CPA6: variants seen among roughly 807,000 people sequenced by gnomAD.
CPA6 encodes the protein carboxypeptidase A6.
In CPA6, 58 loss-of-function variants were observed where a neutral mutation model predicts 63.3. The ratio of observed to expected loss-of-function variants is 0.92; its 90% CI spans 0.74 to 1.14. The LOEUF (loss-of-function observed/expected upper bound fraction) is 1.14, where lower values mean the gene tolerates loss of function less well. Among genes scored for constraint, CPA6 ranks in the 50% most tolerant of loss-of-function variants. The pLI is 0.00. For missense variants in CPA6, 565 were observed against 526.6 expected (o/e 1.07, Z -0.71); for synonymous variants, 185 against 179.0 (o/e 1.03, Z -0.27).
At chr8:67,599,258 T>C (rs1344012622) in intron 2 of CPA6, among the ~76,000 whole-genome samples, 3 of 152,246 alleles carry the variant, frequency 2.0e-5, no homozygotes, top group Non-Finnish European at 4.4e-5. Context: ...TATATCTTTC[T>C]GTAAACTTGA....
intron 1 of CPA6, among the ~76,000 whole-genome samples, chr8:67,661,156 C>G (rs945069947): frequency 3.9e-5 from 6 of 152,118 alleles, no homozygotes; most frequent in African/African-American, 1.4e-4. Context: ...AGGTGAAGGT[C>G]TTCTAATTTT....
chr8:67,615,200 A>T (rs778941643), intron 2 of CPA6, among the ~76,000 whole-genome samples: 1 of 152,196 alleles, frequency 6.6e-6, no homozygotes, highest in Non-Finnish European at 1.5e-5. Flanking sequence ...TACAGCTAGA[A>T]AAATGAAATG....
chr8:67,543,747 AAAC>A (rs1205558590), intron 2 of CPA6, among the ~76,000 whole-genome samples: 2 of 151,220 alleles, frequency 1.3e-5, no homozygotes, highest in African/African-American at 2.4e-5. Context: ...TATACTCATC[AAAC>A]AACAATTCCC....
chr8:67,720,054 C>T (rs756493156), intron 1 of CPA6, among the ~76,000 whole-genome samples: 50 of 151,532 alleles, frequency 3.3e-4, no homozygotes, highest in Non-Finnish European at 6.3e-4. Context: ...GGGCTGAGTC[C>T]GAAAAGAGAG....
chr8:67,746,059 A>G lies in CPA6; in HGVS notation c.71T>C (p.Ile24Thr), dbSNP rs746478158. Reference protein sequence around the residue: ...FLPLCWLFLKILQPGHSHLYN... With the variant: ...FLPLCWLFLKTLQPGHSHLYN... ...AAGGTGGCTGTGCCCCGGTTGCAGAATCTTCAAAAAGAGCCAGCAAAGAGG... is the reference window on the plus strand; with the variant it reads ...AAGGTGGCTGTGCCCCGGTTGCAGAGTCTTCAAAAAGAGCCAGCAAAGAGG... The change falls in exon 1 of 11, where the codon ATT (isoleucine) becomes ACT (threonine). Residue 24 changes from isoleucine (I) to threonine (T), a missense_variant. By Grantham distance (89) the Ile-to-Thr change is moderately conservative. Transcript: ENST00000297770. 5.6e-6 allele frequency: 9 copies of G among 1,613,860 alleles called. No homozygotes were observed. The highest frequency in any genetic ancestry group is 2.2e-5 in the East Asian group (1 of 44,876).
In CPA6 at chr8:67,484,802, G is replaced by T; in HGVS notation, c.637-13C>A. On this transcript the variant is annotated splice_polypyrimidine_tract_variant and intron_variant, in intron 6 of 10. Coordinates refer to ENST00000297770, the MANE Select transcript of CPA6 (RefSeq NM_020361.5). Reference sequence around the variant, plus strand: ...ATGTTAGAAGAGCCTAAAAGACAAAGGTGAGATTTTTCTTTTAAATTGGTC... The same window carrying T: ...ATGTTAGAAGAGCCTAAAAGACAAATGTGAGATTTTTCTTTTAAATTGGTC... The T allele has an allele frequency of 1.4e-6, 2 of 1,469,438 alleles. No individual in the cohort carries two copies. Among genetic ancestry groups the T allele is most frequent in the South Asian group, 1.2e-5 (1 of 84,382 alleles). 91.0% of individuals were successfully genotyped at this position (1,469,438 alleles called of 1,614,324 possible).
intron 1 of CPA6, among the ~76,000 whole-genome samples, chr8:67,717,301 G>A (rs1456339662): frequency 7.9e-5 from 12 of 152,206 alleles, no homozygotes; most frequent in Admixed American, 7.9e-4. Flanking sequence ...AGGGAAGGAA[G>A]AGAGAGCTGG....
intron 2 of CPA6, among the ~76,000 whole-genome samples, chr8:67,553,005 A>G (rs1812984646): frequency 6.6e-6 from 1 of 152,132 alleles, no homozygotes; most frequent in African/African-American, 2.4e-5. Context: ...TGTCACACTC[A>G]TGACATCCCC....
chr8:67,488,467 A>G (rs1461051223), intron 6 of CPA6, among the ~76,000 whole-genome samples: 1 of 152,158 alleles, frequency 6.6e-6, no homozygotes. Context: ...CTTGTAGTAC[A>G]GTTTGAAGTC....
chr8:67,579,298 A>T (rs1203555777), intron 2 of CPA6, among the ~76,000 whole-genome samples: 5 of 152,176 alleles, frequency 3.3e-5, no homozygotes, highest in Admixed American at 3.3e-4. Context: ...CTGTAATCCC[A>T]GCTGCTTGGG....
rs75657927 is a variant in CPA6, at chr8:67,693,270, G to A, written c.116+52744C>T. ...GAGCTATTACTAGGGTTCTCCTCATGTAAATGTCTTTGGAAAGGCAAACGA... is the reference window on the plus strand; with the variant it reads ...GAGCTATTACTAGGGTTCTCCTCATATAAATGTCTTTGGAAAGGCAAACGA... On this transcript the variant is annotated intron_variant, in intron 1 of 10. Coordinates refer to ENST00000297770, the MANE Select transcript of CPA6 (RefSeq NM_020361.5). 6.4e-3 allele frequency among the ~76,000 whole-genome samples: 975 copies of A among 152,296 alleles called. 11 individuals carry two copies. Among genetic ancestry groups the A allele is most frequent in the African/African-American group, 0.021 (868 of 41,566 alleles).
At chr8:67,658,920 C>G (rs1350024388) in intron 1 of CPA6, among the ~76,000 whole-genome samples, 1 of 152,176 alleles carries the variant, frequency 6.6e-6, no homozygotes, top group Non-Finnish European at 1.5e-5. Flanking sequence ...CTGGACTACA[C>G]AGCAGCTTCC....
At chr8:67,447,039 TATATATATAC>T (rs1810436986) in intron 8 of CPA6, among the ~76,000 whole-genome samples, 2 of 124,128 alleles carry the variant, frequency 1.6e-5, no homozygotes, top group Admixed American at 7.5e-5. Flanking sequence ...TATACACACA[TATATATATAC>T]ACACACATAT....
At chr8:67,435,234 A>G (rs1810123251) in intron 8 of CPA6, among the ~76,000 whole-genome samples, 1 of 151,994 alleles carries the variant, frequency 6.6e-6, no homozygotes, top group African/African-American at 2.4e-5. Flanking sequence ...GAATGGGGAG[A>G]AGTGGAGGGA....
At chr8:67,656,092 TG>T (rs1454288552) in intron 1 of CPA6, among the ~76,000 whole-genome samples, 1 of 152,072 alleles carries the variant, frequency 6.6e-6, no homozygotes, top group Non-Finnish European at 1.5e-5. Context: ...TTGGAGAAGT[TG>T]GGGTTTTTCT....
intron 8 of CPA6, among the ~76,000 whole-genome samples, chr8:67,446,209 T>A (rs1336631683): frequency 6.9e-6 from 1 of 144,064 alleles, no homozygotes; most frequent in Non-Finnish European, 1.5e-5. Context: ...GAGCTTGCAG[T>A]GAGTGGAGAT....
intron 3 of CPA6, among the ~76,000 whole-genome samples, chr8:67,515,037 T>G (rs1812114078): frequency 6.6e-6 from 1 of 152,186 alleles, no homozygotes; most frequent in Non-Finnish European, 1.5e-5. Flanking sequence ...TGGCAACCCT[T>G]GGCTCAGCCC....
chr8:67,612,173 G>A (rs1474937764), intron 2 of CPA6, among the ~76,000 whole-genome samples: 1 of 152,160 alleles, frequency 6.6e-6, no homozygotes, highest in Non-Finnish European at 1.5e-5. Flanking sequence ...AAGTTTTAGG[G>A]CAGAGAGGGA....
intron 1 of CPA6, among the ~76,000 whole-genome samples, chr8:67,678,224 G>GACACACACAC (rs1816518736): frequency 7.0e-6 from 1 of 142,530 alleles, no homozygotes; most frequent in Non-Finnish European, 1.5e-5. Context: ...GTAAAACTCT[G>GACACACACAC]TCTCACACAC....
Sources: allele counts gnomAD v4.1 joint callset (sites outside exome capture counted in the v4.1 genomes callset), GRCh38; gene constraint gnomAD v4.1.1; transcripts MANE v1.5; gene names NCBI Gene and HGNC (gene_info 2026-07-23, HGNC 2026-07-21).